CELF4: variants seen among roughly 807,000 people sequenced by gnomAD.
The protein encoded by CELF4 is CUGBP Elav-like family member 4.
Under a neutral mutation model 59.9 loss-of-function variants are expected in CELF4, and 18 were observed. The ratio of observed to expected loss-of-function variants is 0.30; its 90% confidence interval spans 0.21 to 0.45. CELF4 has a LOEUF of 0.45. Ranked by LOEUF, CELF4 falls within the 20% of genes least tolerant of loss-of-function variation. The pLI is 1.00. For synonymous variants in CELF4, 261 were observed against 267.1 expected (o/e 0.98, Z 0.22); for missense variants, 456 against 689.0 (o/e 0.66, Z 3.79).
At chr18:37,554,564 A>T (rs955310952) in intron 1 of CELF4, among the ~76,000 whole-genome samples, 31 of 151,948 alleles carry the variant, frequency 2.0e-4, no homozygotes, top group Admixed American at 5.9e-4. Flanking sequence ...TTTCTTATTC[A>T]TCATCATGCC....
intron 2 of CELF4, among the ~76,000 whole-genome samples, chr18:37,413,435 AG>A (rs1288177141): frequency 3.9e-5 from 6 of 152,100 alleles, no homozygotes. Context: ...CATGTTGGAA[AG>A]GTTTTGATTT....
At chr18:37,533,901 G>T (rs1239920093) in intron 1 of CELF4, among the ~76,000 whole-genome samples, 1 of 152,314 alleles carries the variant, frequency 6.6e-6, no homozygotes, top group East Asian at 1.9e-4. Flanking sequence ...CAGTGGGGTG[G>T]TCCTGGAGTC....
intron 2 of CELF4, among the ~76,000 whole-genome samples, chr18:37,476,299 C>A (rs2099848807): frequency 6.6e-6 from 1 of 152,236 alleles, no homozygotes; most frequent in African/African-American, 2.4e-5. Context: ...CTCTTCTGTG[C>A]TGGGCACAGG....
At chr18:37,255,966 C>T (rs932252328) in intron 11 of CELF4, among the ~76,000 whole-genome samples, 2 of 152,114 alleles carry the variant, frequency 1.3e-5, no homozygotes, top group Non-Finnish European at 2.9e-5. Flanking sequence ...TAGAGGTCCT[C>T]GGAAGCCCGA....
chr18:37,430,890 G>A (rs184447842), intron 2 of CELF4, among the ~76,000 whole-genome samples: 11 of 152,336 alleles, frequency 7.2e-5, no homozygotes, highest in East Asian at 1.9e-4. Context: ...TGGAGGTGGC[G>A]CTGGTGCTTT....
chr18:37,511,366 G>T (rs987393423), intron 1 of CELF4, among the ~76,000 whole-genome samples: 1 of 152,032 alleles, frequency 6.6e-6, no homozygotes, highest in Non-Finnish European at 1.5e-5. Context: ...CCCGCGTCCG[G>T]GTCCCCTGCA....
chr18:37,365,604 A>G (rs371917848), intron 2 of CELF4, among the ~76,000 whole-genome samples: 7 of 146,816 alleles, frequency 4.8e-5, no homozygotes, highest in African/African-American at 1.5e-4. Context: ...TCCTGCCTCA[A>G]CCTCCTGAGT....
At chr18:37,511,295 A>C (rs1163142707) in intron 1 of CELF4, among the ~76,000 whole-genome samples, 1 of 152,092 alleles carries the variant, frequency 6.6e-6, no homozygotes, top group East Asian at 1.9e-4. Flanking sequence ...TGCTGCCCTC[A>C]TGAGCATGTG....
chr18:37,389,182 C>T (rs372212729), intron 2 of CELF4, among the ~76,000 whole-genome samples: 4 of 152,324 alleles, frequency 2.6e-5, no homozygotes, highest in East Asian at 1.9e-4. Context: ...CTCAGGCTGT[C>T]GCTGTCTTGC....
intron 1 of CELF4, among the ~76,000 whole-genome samples, chr18:37,495,813 C>T (rs1479980949): frequency 6.6e-6 from 1 of 152,056 alleles, no homozygotes; most frequent in African/African-American, 2.4e-5. Flanking sequence ...TCCACAGGGA[C>T]AGCTCTCTGC....
At chr18:37,389,233 A>G (rs1020407983) in intron 2 of CELF4, among the ~76,000 whole-genome samples, 1 of 152,092 alleles carries the variant, frequency 6.6e-6, no homozygotes, top group African/African-American at 2.4e-5. Context: ...GCACGGTGAG[A>G]CATTCAAATT....
chr18:37,258,574 C>T (rs2071803236), intron 11 of CELF4, among the ~76,000 whole-genome samples: 1 of 152,182 alleles, frequency 6.6e-6, no homozygotes, highest in Non-Finnish European at 1.5e-5. Context: ...CTCTGGTGGC[C>T]TGAGGCAGGT....
intron 2 of CELF4, among the ~76,000 whole-genome samples, chr18:37,343,085 G>C (rs184551271): frequency 6.6e-6 from 1 of 152,218 alleles, no homozygotes; most frequent in Non-Finnish European, 1.5e-5. Flanking sequence ...GGTGAGAATC[G>C]CTGGTGTGCT....
At chr18:37,499,541 G>A (rs1794478341) in intron 1 of CELF4, among the ~76,000 whole-genome samples, 1 of 152,210 alleles carries the variant, frequency 6.6e-6, no homozygotes, top group Non-Finnish European at 1.5e-5. Flanking sequence ...GGGAAGGGAA[G>A]GAGTGTGGAT....
At chr18:37,356,177 C>A (rs1178731510) in intron 2 of CELF4, among the ~76,000 whole-genome samples, 1 of 152,196 alleles carries the variant, frequency 6.6e-6, no homozygotes, top group Non-Finnish European at 1.5e-5. Context: ...TGGACAGAAC[C>A]ACCATGGGGC....
At chr18:37,415,139 G>A (rs2099517093) in intron 2 of CELF4, among the ~76,000 whole-genome samples, 2 of 152,188 alleles carry the variant, frequency 1.3e-5, no homozygotes, top group South Asian at 4.1e-4. Flanking sequence ...AAGGTTTCAT[G>A]AAGCAAGTGG....
intron 1 of CELF4, among the ~76,000 whole-genome samples, chr18:37,544,426 C>T (rs1567991577): frequency 6.6e-6 from 1 of 152,182 alleles, no homozygotes; most frequent in African/African-American, 2.4e-5. Context: ...TCAAAGCCTC[C>T]ACTCCCCACT....
chr18:37,426,891 G>C, intron 2 of CELF4, among the ~76,000 whole-genome samples: 1 of 151,638 alleles, frequency 6.6e-6, no homozygotes, highest in Non-Finnish European at 1.5e-5. Flanking sequence ...GGATTACTTG[G>C]CTCTCCCGAA....
chr18:37,347,271 C>T (rs1052956016), intron 2 of CELF4, among the ~76,000 whole-genome samples: 2 of 152,084 alleles, frequency 1.3e-5, no homozygotes, highest in Non-Finnish European at 2.9e-5. Context: ...CTGCCACCCC[C>T]CACGCCACGC....
Sources: gnomAD v4.1 joint callset for allele counts (sites outside exome capture counted in the v4.1 genomes callset) on GRCh38, gnomAD v4.1.1 for gene constraint, MANE v1.5 for transcripts, NCBI Gene and HGNC (gene_info 2026-07-23, HGNC 2026-07-21) for gene names.